Variants in REV1 observed in about 807,000 individuals in gnomAD.
REV1 encodes translesion synthesis protein REV1.
Under a neutral mutation model 137.4 loss-of-function variants are expected in REV1, and 42 were observed. The observed-to-expected ratio is 0.31, with a 90% CI of 0.24 to 0.40. The LOEUF is 0.40. REV1 is among the 10% of genes least tolerant of loss of function. The pLI, the probability that REV1 is intolerant of heterozygous loss-of-function variation, is 1.00. For missense variants in REV1, 1,282 were observed against 1,490.1 expected (o/e 0.86, Z 2.30); for synonymous variants, 524 against 519.2 (o/e 1.01, Z -0.12).
At chr2:99,469,499 C>A (rs192920190) in intron 1 of REV1, among the ~76,000 whole-genome samples, 17 of 152,222 alleles carry the variant, frequency 1.1e-4, no homozygotes, top group Admixed American at 9.8e-4. Context: ...TGTCCAGTCC[C>A]CAGTGCTAAC....
chr2:99,481,647 G>A (rs1172070299), intron 1 of REV1, among the ~76,000 whole-genome samples: 1 of 151,936 alleles, frequency 6.6e-6, no homozygotes, highest in Non-Finnish European at 1.5e-5. Flanking sequence ...AGGATCACTT[G>A]AGGCCAGGAG....
rs1180229075 is a variant in REV1 at position 99,402,921 on chromosome 2, T to G, written c.3352A>C (p.Lys1118Gln). ...TTCTCTGCAGGAGGTCCTTCATGTTTTAGAAACCCATCAATTAACTTCTGG... is the reference window on the plus strand; with the variant it reads ...TTCTCTGCAGGAGGTCCTTCATGTTGTAGAAACCCATCAATTAACTTCTGG... ...SPQKLIDGFLKHEGPPAEKPL... is the reference protein window; with the variant it reads ...SPQKLIDGFLQHEGPPAEKPL... Residue 1118 changes from lysine to glutamine, a missense_variant, in exon 20 of 23, where the codon AAA becomes CAA. Around this residue, in one of 7 missense-constraint regions of REV1, gnomAD observed 170 missense variants for 156.8 expected, o/e 1.08. Transcript: ENST00000258428. The G allele has an allele frequency of 2.5e-6, 4 of 1,614,022 alleles. No individual in the cohort carries two copies. The highest frequency in any genetic ancestry group is 3.3e-5 in the Admixed American group (2 of 59,994).
intron 10 of REV1, among the ~76,000 whole-genome samples, chr2:99,422,761 C>T (rs1297675750): frequency 6.6e-6 from 1 of 152,142 alleles, no homozygotes; most frequent in Non-Finnish European, 1.5e-5. Flanking sequence ...TCTACTGGGA[C>T]CGTGTGCATG....
intron 4 of REV1, among the ~76,000 whole-genome samples, chr2:99,444,358 G>T (rs891304729): frequency 2.0e-4 from 30 of 152,208 alleles, no homozygotes; most frequent in African/African-American, 7.0e-4. Context: ...AACCAAAAGT[G>T]CAAGGAACAA....
chr2:99,453,455 A>T (rs893041569), intron 3 of REV1, among the ~76,000 whole-genome samples: 4 of 152,214 alleles, frequency 2.6e-5, no homozygotes, highest in Non-Finnish European at 5.9e-5. Context: ...GGAGCTCTAG[A>T]GCTAAAGCTG....
At chr2:99,468,086 A>G (rs1344470415) in intron 1 of REV1, among the ~76,000 whole-genome samples, 1 of 152,126 alleles carries the variant, frequency 6.6e-6, no homozygotes. Context: ...AGGCTGAGGC[A>G]GGAGAATCGC....
rs538535417 is a variant in REV1 at position 99,462,386 on chromosome 2, T to G, written c.181+110A>C. On this transcript the variant is annotated intron_variant, in intron 3 of 22. Transcript: ENST00000258428. ...AGCAGATGATTTATTTCTTCTCATC[T>G]TACAATCATTTGTCTATAATAAATG... The G allele has an allele frequency of 4.8e-6, 5 of 1,038,886 alleles. No individual in the cohort carries two copies. In the Admixed American group the frequency reaches 8.2e-5, roughly 17 times the overall value. The allele number at this position is 1,038,886 out of a possible 1,614,324, so 64.4% of individuals were successfully genotyped here.
intron 5 of REV1, 54 bp downstream of exon 5, chr2:99,442,263 A>AAC (rs1681597357): frequency 5.9e-6 from 8 of 1,347,434 alleles, no homozygotes; most frequent in Non-Finnish European, 4.9e-6. Context: ...AAAAAAAAAA[A>AAC]AAAAAAAAAA....
intron 1 of REV1, among the ~76,000 whole-genome samples, chr2:99,478,083 T>C (rs1051006375): frequency 1.3e-5 from 2 of 151,978 alleles, no homozygotes; most frequent in African/African-American, 4.8e-5. Flanking sequence ...AATACAAAAA[T>C]TAGCCGAGCG....
chr2:99,406,181 TAAAA>T, intron 16 of REV1, 75 bp from the exon 17 acceptor site: 7 of 1,399,442 alleles, frequency 5.0e-6, no homozygotes, highest in Non-Finnish European at 6.7e-6. Flanking sequence ...CCATTACAAA[TAAAA>T]AAACTTTATT....
chr2:99,479,660 T>C (rs1294397099), intron 1 of REV1, among the ~76,000 whole-genome samples: 1 of 151,888 alleles, frequency 6.6e-6, no homozygotes, highest in African/African-American at 2.4e-5. Context: ...GAGCCAGGCA[T>C]GGTGGCACAC....
At chr2:99,448,036 CT>C (rs1259663613) in intron 4 of REV1, among the ~76,000 whole-genome samples, 1 of 152,186 alleles carries the variant, frequency 6.6e-6, no homozygotes, top group East Asian at 1.9e-4. Context: ...TATATGGATA[CT>C]GAACTGCCGA....
chr2:99,402,593 A>C (rs765082115), intron 21 of REV1, 51 bp downstream of exon 21: 22 of 1,539,154 alleles, frequency 1.4e-5, no homozygotes, highest in Middle Eastern at 3.7e-4. Context: ...TTCTCAAATC[A>C]TGAGACGACT....
chr2:99,407,501 G>A (rs1391918288), intron 15 of REV1, among the ~76,000 whole-genome samples: 5 of 151,088 alleles, frequency 3.3e-5, no homozygotes, highest in South Asian at 2.1e-4. Flanking sequence ...GCAGTGAGCC[G>A]ATACAACGCC....
intron 12 of REV1, among the ~76,000 whole-genome samples, chr2:99,417,502 CA>C (rs1678063323): frequency 6.6e-6 from 1 of 152,136 alleles, no homozygotes; most frequent in Admixed American, 6.5e-5. Flanking sequence ...AAAACAAGGT[CA>C]TATTGATGAG....
chr2:99,489,337 G>T (rs1664114718), intron 1 of REV1, among the ~76,000 whole-genome samples: 1 of 152,154 alleles, frequency 6.6e-6, no homozygotes, highest in Non-Finnish European at 1.5e-5. Flanking sequence ...GCTCGACCGG[G>T]TCGACATTCT....
intron 14 of REV1, among the ~76,000 whole-genome samples, chr2:99,408,935 T>C (rs540206517): frequency 6.6e-6 from 1 of 152,328 alleles, no homozygotes; most frequent in Admixed American, 6.5e-5. Flanking sequence ...ATAAATTGAA[T>C]TGGATTTTCC....
At chr2:99,435,113 T>G (rs1011969646) in intron 7 of REV1, among the ~76,000 whole-genome samples, 4 of 152,130 alleles carry the variant, frequency 2.6e-5, no homozygotes, top group African/African-American at 7.2e-5. Context: ...TCTATGAAAA[T>G]CAATTATTTA....
chr2:99,422,888 C>A (rs2104611344), intron 10 of REV1, among the ~76,000 whole-genome samples: 1 of 152,290 alleles, frequency 6.6e-6, no homozygotes, highest in East Asian at 1.9e-4. Context: ...CAGTACTGAC[C>A]TCAGTCACCC....
Sources: gnomAD v4.1 joint callset for allele counts (sites outside exome capture counted in the v4.1 genomes callset) on GRCh38, gnomAD v4.1.1 for gene constraint, gnomAD v4.1.1 regional missense constraint, MANE v1.5 for transcripts, NCBI Gene and HGNC (gene_info 2026-07-23, HGNC 2026-07-21) for gene names.